Variants in EYA2 observed in about 807,000 individuals in gnomAD.
The protein encoded by EYA2 is protein phosphatase EYA2.
A neutral mutation model predicts 69.2 loss-of-function variants in EYA2; 31 were observed. The ratio of observed to expected loss-of-function variants is 0.45; its 90% confidence interval spans 0.34 to 0.60. EYA2 has a LOEUF of 0.60. Among genes scored for constraint, EYA2 ranks in the 20% least tolerant of loss-of-function variants. The pLI, the probability that EYA2 is intolerant of heterozygous loss-of-function variation, is 0.02. For synonymous variants in EYA2, 257 were observed against 279.4 expected (o/e 0.92, Z 0.80); for missense variants, 622 against 701.2 (o/e 0.89, Z 1.28).
At chr20:47,072,371 C>T (rs867280048) in intron 6 of EYA2, 119 bp downstream of exon 6, 395 of 997,886 alleles carry the variant, frequency 4.0e-4, no homozygotes, top group Middle Eastern at 1.5e-3. Context: ...GCCTCTTAGT[C>T]CCTGGGTTTG....
intron 1 of EYA2, among the ~76,000 whole-genome samples, chr20:46,954,552 A>G (rs1392985449): frequency 6.6e-6 from 1 of 152,244 alleles, no homozygotes; most frequent in Non-Finnish European, 1.5e-5. Context: ...CTTTGAGGGA[A>G]CACACTAATA....
Position 47,035,880 on chromosome 20 carries a change from G to A in EYA2, c.415+19583G>A, listed in dbSNP as rs569951013. On this transcript the variant is annotated intron_variant, in intron 5 of 15. Transcript: ENST00000327619. ...GAAAAAGGGGGCCATGTGTGGTGGC[G>A]TGCACCTGTGGTCTTAGCTACTTGG... is the stretch of plus-strand genomic sequence containing the variant. 6.9e-4 allele frequency among the ~76,000 whole-genome samples: 105 copies of A among 152,118 alleles called. 3 individuals carry two copies. The South Asian group carries it at 0.02, about 29-fold the overall frequency.
chr20:47,176,902 C>T (rs1438287851), intron 12 of EYA2, among the ~76,000 whole-genome samples: 1 of 151,914 alleles, frequency 6.6e-6, no homozygotes, highest in Non-Finnish European at 1.5e-5. Flanking sequence ...AGCAATTCTC[C>T]TGCCTCAGCC....
chr20:46,929,336 G>A (rs16992046), intron 1 of EYA2, among the ~76,000 whole-genome samples: 3,717 of 151,992 alleles, frequency 0.024, 153 homozygotes, highest in African/African-American at 0.084. Flanking sequence ...AGGCTGGAGG[G>A]AGCACAGGGC....
At chr20:47,060,778 G>A (rs925861184) in intron 5 of EYA2, among the ~76,000 whole-genome samples, 1 of 151,854 alleles carries the variant, frequency 6.6e-6, no homozygotes, top group Non-Finnish European at 1.5e-5. Context: ...TTTGGATGCT[G>A]CCGGCCTCGG....
chr20:47,146,876 C>A (rs1276174407), intron 10 of EYA2, among the ~76,000 whole-genome samples: 1 of 152,156 alleles, frequency 6.6e-6, no homozygotes, highest in Non-Finnish European at 1.5e-5. Context: ...ACAGCAAGAC[C>A]CGTGCCCACA....
intron 1 of EYA2, among the ~76,000 whole-genome samples, chr20:46,939,553 A>G (rs1436253666): frequency 1.3e-5 from 2 of 152,122 alleles, no homozygotes; most frequent in Non-Finnish European, 2.9e-5. Context: ...AGCCAATTTG[A>G]GCTAAAGTTC....
At chr20:47,097,897 G>A (rs1047628541) in intron 9 of EYA2, among the ~76,000 whole-genome samples, 5 of 152,164 alleles carry the variant, frequency 3.3e-5, no homozygotes, top group African/African-American at 7.2e-5. Flanking sequence ...TACTTAAGAC[G>A]ACAGCCTAGT....
At chr20:47,150,959 G>C (rs989079801) in intron 10 of EYA2, among the ~76,000 whole-genome samples, 2 of 152,010 alleles carry the variant, frequency 1.3e-5, no homozygotes, top group Non-Finnish European at 2.9e-5. Flanking sequence ...TACTAATAAA[G>C]GGGGAAGTGA....
chr20:47,169,209 G>A lies in EYA2; in HGVS notation c.1037+12G>A. 1 of 1,613,300 alleles carries A rather than the reference G, an allele frequency of 6.2e-7. No individual in the cohort carries two copies. Among genetic ancestry groups the A allele is most frequent in the South Asian group, 1.1e-5 (1 of 91,066 alleles). On this transcript the variant is annotated intron_variant, in intron 11 of 15. Coordinates refer to ENST00000327619, the MANE Select transcript of EYA2 (RefSeq NM_005244.5). ...GGCCAAGATTTAAGGTGGGAATTTG[G>A]GGAGTCAAAAATGCCCATTGATTGA...
chr20:47,066,242 G>A (rs547839436), intron 5 of EYA2, among the ~76,000 whole-genome samples: 1 of 152,186 alleles, frequency 6.6e-6, no homozygotes, highest in Admixed American at 6.5e-5. Flanking sequence ...TAAGGTAGGA[G>A]GGTCACCAGA....
intron 1 of EYA2, among the ~76,000 whole-genome samples, chr20:46,987,486 TC>T (rs772781661): frequency 3.3e-5 from 5 of 152,068 alleles, no homozygotes; most frequent in Non-Finnish European, 5.9e-5. Flanking sequence ...CAAAATTACA[TC>T]CCCTCCTACC....
At chr20:47,184,530 A>G (rs1383137074) in intron 15 of EYA2, among the ~76,000 whole-genome samples, 1 of 143,134 alleles carries the variant, frequency 7.0e-6, no homozygotes, top group Non-Finnish European at 1.5e-5. Flanking sequence ...CGATCTTCCC[A>G]CTTCCACCTC....
At chr20:46,965,774 C>T (rs1271827989) in intron 1 of EYA2, among the ~76,000 whole-genome samples, 2 of 152,242 alleles carry the variant, frequency 1.3e-5, no homozygotes, top group African/African-American at 4.8e-5. Flanking sequence ...GTTCCCTGCA[C>T]GTACGAGTGG....
intron 9 of EYA2, among the ~76,000 whole-genome samples, chr20:47,098,130 T>C (rs1030150519): frequency 6.6e-6 from 1 of 152,194 alleles, no homozygotes; most frequent in Non-Finnish European, 1.5e-5. Context: ...TGCCATTATG[T>C]TGTAAAGAAT....
At chr20:47,095,199 G>A (rs1320598212) in intron 8 of EYA2, among the ~76,000 whole-genome samples, 2 of 151,672 alleles carry the variant, frequency 1.3e-5, no homozygotes, top group African/African-American at 4.8e-5. Flanking sequence ...TACTCAGAGG[G>A]AAAAAAAGTT....
At chr20:47,036,836 T>C (rs1266104653) in intron 5 of EYA2, among the ~76,000 whole-genome samples, 1 of 152,238 alleles carries the variant, frequency 6.6e-6, no homozygotes, top group Non-Finnish European at 1.5e-5. Flanking sequence ...CAAATCCCAG[T>C]TCTGCCAGTT....
Position 47,188,452 on chromosome 20 carries a change from T to C in EYA2, c.*319T>C. The C allele has an allele frequency of 1.8e-6, 1 of 552,090 alleles. No individual in the cohort carries two copies. Among genetic ancestry groups the C allele is most frequent in the South Asian group, 2.9e-5 (1 of 34,466 alleles). 34.2% of individuals were successfully genotyped at this position (552,090 alleles called of 1,614,324 possible). A position where few individuals can be genotyped will look rare whatever the true frequency, so the allele number is the denominator to read the frequency against. On this transcript the variant is annotated 3_prime_UTR_variant, in exon 16 of 16. Coordinates refer to ENST00000327619, the MANE Select transcript of EYA2 (RefSeq NM_005244.5). ...GGGGTGCCTGGTGATGAGGAGGGGA[T>C]GGGTTTGTCTTGTCTTCTTTTTAAT...
intron 1 of EYA2, among the ~76,000 whole-genome samples, chr20:46,989,479 G>T (rs1388386666): frequency 6.6e-6 from 1 of 152,172 alleles, no homozygotes; most frequent in East Asian, 1.9e-4. Flanking sequence ...ATGTTGGCCA[G>T]GATGGTCTCG....
Sources: allele counts gnomAD v4.1 joint callset (sites outside exome capture counted in the v4.1 genomes callset), GRCh38; gene constraint gnomAD v4.1.1; transcripts MANE v1.5; gene names NCBI Gene and HGNC (gene_info 2026-07-23, HGNC 2026-07-21).